LAMB4: variants seen among roughly 807,000 people sequenced by gnomAD.
The protein encoded by LAMB4 is laminin subunit beta-4.
In LAMB4, 196 loss-of-function variants were observed where a neutral mutation model predicts 199.2. The ratio of observed to expected loss-of-function variants is 0.98; its 90% CI spans 0.88 to 1.11. LAMB4 has a LOEUF of 1.11. Ranked by LOEUF, LAMB4 falls within the 50% of genes least tolerant of loss-of-function variation. The pLI is 0.00. For synonymous variants in LAMB4, 744 were observed against 770.6 expected, an observed-to-expected ratio of 0.97 and a Z score of 0.57; for missense variants, 2,080 against 2,171.2, an observed-to-expected ratio of 0.96 and a Z score of 0.83.
intron 31 of LAMB4, among the ~76,000 whole-genome samples, chr7:108,033,565 T>A (rs1411051396): frequency 6.6e-6 from 1 of 151,962 alleles, no homozygotes; most frequent in African/African-American, 2.4e-5. Flanking sequence ...CCTGCCACCA[T>A]GCCTGGCTAA....
intron 8 of LAMB4, 43 bp downstream of exon 8, chr7:108,105,774 G>T: frequency 6.5e-7 from 1 of 1,542,088 alleles, no homozygotes; most frequent in Non-Finnish European, 9.0e-7. Context: ...GACAGTGAAA[G>T]GCAGGTAGGA....
intron 14 of LAMB4, among the ~76,000 whole-genome samples, chr7:108,082,648 T>C (rs150726881): frequency 6.6e-6 from 1 of 152,310 alleles, no homozygotes; most frequent in East Asian, 1.9e-4. Context: ...TGAATATATA[T>C]AATGGAATGA....
Position 108,052,092 on chromosome 7 carries a change from C to T in LAMB4, c.3916+5G>A. ...GACACAGTCAAAAATACATTTTTCC[C>T]TTACCCGCAATGCTTGCATTAAGGA... On this transcript the variant is annotated splice_donor_5th_base_variant and intron_variant, in intron 26 of 33. Transcript: ENST00000388781. The T allele has an allele frequency of 6.3e-7, 1 of 1,595,758 alleles. No individual in the cohort carries two copies. Among genetic ancestry groups the T allele is most frequent in the Non-Finnish European group, 8.5e-7 (1 of 1,170,550 alleles).
chr7:108,015,498 C>G, the LAMB4 span, among the ~76,000 whole-genome samples: 1 of 152,180 alleles, frequency 6.6e-6, no homozygotes, highest in Admixed American at 6.5e-5. Context: ...TTCACTTTAA[C>G]AGAGGTAGTA....
At chr7:108,098,111 T>C (rs1231314532) in intron 11 of LAMB4, among the ~76,000 whole-genome samples, 1 of 152,094 alleles carries the variant, frequency 6.6e-6, no homozygotes, top group African/African-American at 2.4e-5. Context: ...GGTGGGCGGA[T>C]CACTTGAGGT....
At chr7:108,035,082 G>T (rs1563033139) in intron 30 of LAMB4, among the ~76,000 whole-genome samples, 1 of 152,006 alleles carries the variant, frequency 6.6e-6, no homozygotes, top group Non-Finnish European at 1.5e-5. Flanking sequence ...TCCTCCAATG[G>T]TAATCTCTGT....
intron 1 of LAMB4, among the ~76,000 whole-genome samples, chr7:108,125,740 G>A (rs1423727427): frequency 3.9e-5 from 6 of 152,240 alleles, no homozygotes; most frequent in Admixed American, 3.3e-4. Context: ...TAGAAAGACA[G>A]GAGGTGGAAC....
chr7:108,066,600 G>C lies in LAMB4; in HGVS notation c.2447C>G (p.Pro816Arg). Residue 816 changes from proline (P) to arginine (R), a missense_variant and splice_region_variant, in exon 20 of 34, where the codon CCA becomes CGA. Pro to Arg is a moderately radical substitution (Grantham distance 103, BLOSUM62 -2). Coordinates refer to ENST00000388781, the MANE Select transcript of LAMB4 (RefSeq NM_007356.3). The part of the protein sequence containing the change: ...SYDLGHHGCH[P>R]CHCHPQGSKD... ...TGATCCTTGAGGATGGCAGTGACAT[G>C]CTGGATGAAGCAAAGAGAAGTATGC... 6.3e-7 allele frequency: 1 copy of C among 1,586,012 alleles called. No homozygotes were observed. The highest frequency in any genetic ancestry group is 8.6e-7 in the Non-Finnish European group (1 of 1,159,170).
intron 29 of LAMB4, among the ~76,000 whole-genome samples, chr7:108,041,455 T>C (rs2035419152): frequency 6.6e-6 from 1 of 152,196 alleles, no homozygotes; most frequent in Non-Finnish European, 1.5e-5. Context: ...TGCATGTTCA[T>C]TGCAGCATTA....
chr7:108,077,780 C>T (rs904327763), intron 16 of LAMB4, among the ~76,000 whole-genome samples: 2 of 152,190 alleles, frequency 1.3e-5, no homozygotes, highest in Admixed American at 1.3e-4. Context: ...CAAAGACTCT[C>T]ATCTATTGAG....
At position 108,079,650 on chromosome 7, in the gene LAMB4, T is replaced by C. The variant is rs774661808; in HGVS notation, c.1838A>G (p.Asn613Ser). 4 of 1,613,118 alleles carry C rather than the reference T, an allele frequency of 2.5e-6. No individual in the cohort carries two copies. The Admixed American group carries it at 6.7e-5, about 27-fold the overall frequency. The stretch of plus-strand genomic sequence containing the variant: ...GGTGAAGTCCACAGGAAAGGGAATG[T>C]TGTTGACAGCAAATCTCAAGCCAGC... ...PGAGLRFAVN[N>S]IPFPVDFTIA... Residue 613 changes from asparagine to serine, a missense_variant, in exon 15 of 34, where the codon AAC (asparagine) becomes AGC (serine). Transcript: ENST00000388781.
intron 21 of LAMB4, 48 bp from the exon 22 acceptor site, chr7:108,064,033 GGA>G (rs1369526486): frequency 7.8e-7 from 1 of 1,277,830 alleles, no homozygotes. Context: ...ATCAGTGTTG[GGA>G]GAGAGGAGGA....
intron 14 of LAMB4, among the ~76,000 whole-genome samples, chr7:108,084,657 T>A (rs183289136): frequency 6.6e-6 from 1 of 152,208 alleles, no homozygotes; most frequent in East Asian, 1.9e-4. Context: ...AAGGTAAGTG[T>A]GTTACTAACG....
In LAMB4 at chr7:108,103,223, C is replaced by A. The variant is rs763690792; in HGVS notation, c.1001G>T (p.Cys334Phe). ...GTGACAGCGGCTGGAGTGGCTATTACAGCTGCACGCTGAAAGGAGAAGACA... is the reference window on the plus strand; with the variant it reads ...GTGACAGCGGCTGGAGTGGCTATTAAAGCTGCACGCTGAAAGGAGAAGACA... Reference protein sequence around the residue: ...LQDNACRSCSCNSHSSRCHFD... With the variant: ...LQDNACRSCSFNSHSSRCHFD... The change falls in exon 10 of 34, where the codon TGT becomes TTT. Residue 334 changes from cysteine (C) to phenylalanine (F), a missense_variant. By Grantham distance (205) the Cys-to-Phe change is radical. Transcript: ENST00000388781. 4 of 1,555,528 alleles carry A rather than the reference C, an allele frequency of 2.6e-6. No individual in the cohort carries two copies. The East Asian group carries it at 7.1e-5, about 28-fold the overall frequency.
intron 14 of LAMB4, among the ~76,000 whole-genome samples, chr7:108,086,180 A>G (rs2037169356): frequency 6.6e-6 from 1 of 152,226 alleles, no homozygotes; most frequent in African/African-American, 2.4e-5. Context: ...GGAACGCAAC[A>G]GGCCAGCCCT....
At chr7:108,070,902 G>A (rs1216474316) in intron 17 of LAMB4, among the ~76,000 whole-genome samples, 1 of 152,088 alleles carries the variant, frequency 6.6e-6, no homozygotes, top group Non-Finnish European at 1.5e-5. Context: ...CTACACAGAG[G>A]AAACAGACCC....
chr7:108,095,389 C>A (rs1422626036), intron 11 of LAMB4, 52 bp from the exon 12 acceptor site: 2 of 1,317,828 alleles, frequency 1.5e-6, no homozygotes, highest in Admixed American at 3.5e-5. Flanking sequence ...TCCACTCTTG[C>A]AAGTGTACTT....
rs1450319967 is a variant in LAMB4 at position 108,031,866 on chromosome 7, T to A, written c.4819-887A>T. Among the ~76,000 whole-genome samples, 4 of 152,350 alleles carry A rather than the reference T, an allele frequency of 2.6e-5. No homozygotes were observed. In the East Asian group the frequency reaches 7.7e-4, roughly 29 times the overall value. On this transcript the variant is annotated intron_variant, in intron 31 of 33. Transcript: ENST00000388781. ...AGTAATAACACTTTATGCTTGTTTC[T>A]TATTTCAGTGACCATATTGATCATA...
intron 2 of LAMB4, among the ~76,000 whole-genome samples, chr7:108,121,612 A>T (rs924873422): frequency 6.6e-6 from 1 of 152,042 alleles, no homozygotes; most frequent in Non-Finnish European, 1.5e-5. Flanking sequence ...TTAGCTGGGC[A>T]TGGTGGGAGC....
Sources: gnomAD v4.1 joint callset for allele counts (sites outside exome capture counted in the v4.1 genomes callset) on GRCh38, gnomAD v4.1.1 for gene constraint, MANE v1.5 for transcripts, NCBI Gene and HGNC (gene_info 2026-07-23, HGNC 2026-07-21) for gene names.